AKAP19: variants seen among roughly 807,000 people sequenced by gnomAD.
AKAP19 encodes the protein small A-kinase anchoring protein.
the AKAP19 span, among the ~76,000 whole-genome samples, chr2:190,018,357 C>CGGGA: frequency 6.6e-6 from 1 of 151,736 alleles, no homozygotes; most frequent in African/African-American, 2.4e-5. Context: ...TTTTGGTCTT[C>CGGGA]TGCATAGATG....
At chr2:189,952,973 A>G in the AKAP19 span, among the ~76,000 whole-genome samples, 1 of 152,212 alleles carries the variant, frequency 6.6e-6, no homozygotes. Flanking sequence ...AAAACAGAAC[A>G]AGATTATGGT....
the AKAP19 span, among the ~76,000 whole-genome samples, chr2:190,061,951 A>G: frequency 6.6e-6 from 1 of 152,102 alleles, no homozygotes; most frequent in African/African-American, 2.4e-5. Flanking sequence ...TTGTGAAAGC[A>G]TAAGCATGCT....
chr2:190,101,551 C>G, the AKAP19 span, among the ~76,000 whole-genome samples: 2 of 152,084 alleles, frequency 1.3e-5, no homozygotes, highest in African/African-American at 4.8e-5. Context: ...TATGCTCAGG[C>G]AGATCACCAG....
the AKAP19 span, among the ~76,000 whole-genome samples, chr2:190,100,110 A>G: frequency 7.9e-4 from 120 of 152,340 alleles, no homozygotes; most frequent in African/African-American, 2.8e-3. Context: ...ACAGCTATTT[A>G]GATAAATCCG....
the AKAP19 span, among the ~76,000 whole-genome samples, chr2:189,992,281 C>T: frequency 2.0e-4 from 30 of 152,228 alleles, no homozygotes; most frequent in East Asian, 5.6e-3. Flanking sequence ...GTCTAGAACT[C>T]CTAACCTCAG....
chr2:190,169,214 T>G, the AKAP19 span, among the ~76,000 whole-genome samples: 2,298 of 152,204 alleles, frequency 0.015, 55 homozygotes, highest in African/African-American at 0.052. Context: ...TCAGATCTCA[T>G]GAGACTTATT....
At chr2:190,005,903 A>T in the AKAP19 span, among the ~76,000 whole-genome samples, 1 of 152,156 alleles carries the variant, frequency 6.6e-6, no homozygotes, top group Non-Finnish European at 1.5e-5. Context: ...TCCTTGGTCA[A>T]TTTAGTCTGG....
chr2:189,994,761 G>T, the AKAP19 span, among the ~76,000 whole-genome samples: 1 of 151,846 alleles, frequency 6.6e-6, no homozygotes, highest in Non-Finnish European at 1.5e-5. Context: ...ACCACACCCA[G>T]CTAATTTTTG....
the AKAP19 span, among the ~76,000 whole-genome samples, chr2:190,017,844 C>T: frequency 1.9e-3 from 290 of 152,252 alleles, 2 homozygotes; most frequent in African/African-American, 5.5e-3. Flanking sequence ...GCAGGCTTAG[C>T]GGTGATGTAC....
At chr2:189,949,724 C>T in the AKAP19 span, among the ~76,000 whole-genome samples, 61 of 150,260 alleles carry the variant, frequency 4.1e-4, no homozygotes, top group Middle Eastern at 0.017. Flanking sequence ...CTCCGCCTCC[C>T]GGGTTAAAGT....
At chr2:189,895,561 T>A in the AKAP19 span, among the ~76,000 whole-genome samples, 41 of 152,286 alleles carry the variant, frequency 2.7e-4, no homozygotes, top group South Asian at 8.5e-3. Flanking sequence ...TTAGCTCTCT[T>A]TTTCTCCAGT....
chr2:189,925,910 A>G, the AKAP19 span, among the ~76,000 whole-genome samples: 1 of 152,206 alleles, frequency 6.6e-6, no homozygotes, highest in African/African-American at 2.4e-5. Flanking sequence ...TTATCAAGAG[A>G]TTAAGGACTA....
At chr2:190,004,331 A>T in the AKAP19 span, among the ~76,000 whole-genome samples, 1 of 152,206 alleles carries the variant, frequency 6.6e-6, no homozygotes, top group Non-Finnish European at 1.5e-5. Flanking sequence ...AGCCAGTGTG[A>T]GCATATGAAA....
the AKAP19 span, among the ~76,000 whole-genome samples, chr2:190,019,136 G>A: frequency 6.6e-6 from 1 of 152,216 alleles, no homozygotes; most frequent in African/African-American, 2.4e-5. Context: ...ATACACAGTT[G>A]AGGTTTGCCT....
At chr2:190,017,905 A>G in the AKAP19 span, among the ~76,000 whole-genome samples, 1 of 152,152 alleles carries the variant, frequency 6.6e-6, no homozygotes, top group Non-Finnish European at 1.5e-5. Context: ...CCTCATTTAT[A>G]AAGGACAGCT....
At chr2:190,172,889 G>T in the AKAP19 span, among the ~76,000 whole-genome samples, 1 of 152,072 alleles carries the variant, frequency 6.6e-6, no homozygotes, top group African/African-American at 2.4e-5. Context: ...GAGGCGTGCC[G>T]ATCACCTGAG....
the AKAP19 span, among the ~76,000 whole-genome samples, chr2:189,992,430 T>C: frequency 2.6e-5 from 4 of 152,330 alleles, no homozygotes; most frequent in Non-Finnish European, 5.9e-5. Context: ...ACTGTAGCCT[T>C]GTAATATAAT....
the AKAP19 span, among the ~76,000 whole-genome samples, chr2:189,975,475 C>T: frequency 1.1e-4 from 17 of 152,056 alleles, no homozygotes; most frequent in African/African-American, 2.4e-4. Context: ...TTGCTCTTCT[C>T]GAGGAGTATC....
At chr2:190,115,561 C>T in the AKAP19 span, among the ~76,000 whole-genome samples, 13 of 150,448 alleles carry the variant, frequency 8.6e-5, 1 homozygote, top group African/African-American at 2.2e-4. Flanking sequence ...CCTCGTGATC[C>T]GCCCGCCTCG....
Sources: gnomAD v4.1 joint callset for allele counts (sites outside exome capture counted in the v4.1 genomes callset) on GRCh38, gnomAD v4.1.1 for gene constraint, MANE v1.5 for transcripts, NCBI Gene and HGNC (gene_info 2026-07-23, HGNC 2026-07-21) for gene names.